Variants in EFNA5 observed in about 807,000 individuals in gnomAD.
EFNA5 encodes ephrin A5, also known as ephrin-A5.
Under a neutral mutation model 22.9 loss-of-function variants are expected in EFNA5, and 5 were observed. The observed-to-expected ratio is 0.22, with a 90% CI of 0.11 to 0.46. EFNA5 has a LOEUF of 0.46. EFNA5 is among the 20% of genes least tolerant of loss of function. The probability of loss-of-function intolerance (pLI) is 0.99; values close to 1 mark genes in which losing one functional copy is unlikely to be tolerated. For missense variants in EFNA5, 237 were observed against 293.3 expected (o/e 0.81, Z 1.40); for synonymous variants, 113 against 112.2 (o/e 1.01, Z -0.04).
At chr5:107,589,705 G>A (rs1423321517) in intron 1 of EFNA5, among the ~76,000 whole-genome samples, 2 of 152,080 alleles carry the variant, frequency 1.3e-5, no homozygotes, top group African/African-American at 4.8e-5. Context: ...GAAAAAAGAA[G>A]GCCAGAGACA....
chr5:107,476,301 C>T (rs952348902), intron 1 of EFNA5, among the ~76,000 whole-genome samples: 1 of 151,516 alleles, frequency 6.6e-6, no homozygotes, highest in Non-Finnish European at 1.5e-5. Flanking sequence ...GATCCACCCA[C>T]CTCAGCCTCC....
rs193138505 is a variant in EFNA5 at position 107,533,130 on chromosome 5, T to C, written c.126-105621A>G. On this transcript the variant is annotated intron_variant, in intron 1 of 4. Transcript: ENST00000333274. ...GGGGACTCATCTCTGCTGAATTCTT[T>C]AACAGCTGAGATGACAGGGATGTCC... is the stretch of plus-strand genomic sequence containing the variant. Among the ~76,000 whole-genome samples the C allele has an allele frequency of 2.6e-3, 392 of 152,288 alleles. 1 individual carries two copies. Among genetic ancestry groups the C allele is most frequent in the Non-Finnish European group, 4.5e-3 (306 of 68,016 alleles).
At chr5:107,628,436 T>G (rs1277380144) in intron 1 of EFNA5, among the ~76,000 whole-genome samples, 1 of 152,140 alleles carries the variant, frequency 6.6e-6, no homozygotes, top group Non-Finnish European at 1.5e-5. Flanking sequence ...AAACAAAAAG[T>G]ACCTAGAATT....
At chr5:107,670,395 G>A (rs1751166539) in intron 1 of EFNA5, 94 bp downstream of exon 1, 6 of 1,412,656 alleles carry the variant, frequency 4.2e-6, no homozygotes, top group South Asian at 3.0e-5. Flanking sequence ...GGTGCGCGCC[G>A]CCAGCGGTTG....
At position 107,427,498 on chromosome 5, in the gene EFNA5, C is replaced by G; in HGVS notation, c.137G>C (p.Gly46Ala). 6.3e-7 allele frequency: 1 copy of G among 1,595,590 alleles called. No individual in the cohort carries two copies. Among genetic ancestry groups the G allele is most frequent in the Non-Finnish European group, 8.5e-7 (1 of 1,171,076 alleles). ...WNSSNPRFQR[G>A]DYHIDVCIND... ...GATACAGACATCAATATGGTAGTCA[C>G]CCCTCTGGAATCTGTTAGAAAAAGA... is the stretch of plus-strand genomic sequence containing the variant. Residue 46 changes from glycine to alanine, a missense_variant, in exon 2 of 5, where the codon GGT becomes GCT. Physicochemically the swap from Gly to Ala is moderately conservative, Grantham distance 60. Around this residue, in one of 3 missense-constraint regions of EFNA5, gnomAD observed 120 missense variants for 140.5 expected, o/e 0.85. Transcript: ENST00000333274.
intron 1 of EFNA5, among the ~76,000 whole-genome samples, chr5:107,642,555 G>A (rs931582424): frequency 3.3e-5 from 5 of 151,718 alleles, no homozygotes; most frequent in African/African-American, 1.2e-4. Flanking sequence ...GAACGCAAGT[G>A]AGTTCTAAAA....
intron 1 of EFNA5, among the ~76,000 whole-genome samples, chr5:107,521,452 C>A (rs1747593390): frequency 7.5e-6 from 1 of 133,614 alleles, no homozygotes; most frequent in Admixed American, 8.1e-5. Context: ...GCCACCACAC[C>A]TGGCTATATA....
chr5:107,544,744 C>A (rs2112463180), intron 1 of EFNA5, among the ~76,000 whole-genome samples: 1 of 152,262 alleles, frequency 6.6e-6, no homozygotes, highest in Admixed American at 6.5e-5. Flanking sequence ...TCTTTACTTG[C>A]CAAACTCCCT....
rs1309390019 is a variant in EFNA5 at position 107,476,059 on chromosome 5, T to A, written c.126-48550A>T. ...AGAGTTTTTAAACTATATATATATT[T>A]TTTTTTTTTGAGACAGAGTCTTGCT... On this transcript the variant is annotated intron_variant, in intron 1 of 4. Coordinates refer to ENST00000333274, the MANE Select transcript of EFNA5 (RefSeq NM_001962.3). 1.1e-3 allele frequency among the ~76,000 whole-genome samples: 143 copies of A among 132,520 alleles called. 8 individuals carry two copies. The highest frequency in any genetic ancestry group is 1.4e-3 in the South Asian group (6 of 4,138). 86.9% of individuals were successfully genotyped at this position (132,520 alleles called of 152,430 possible). A position where few individuals can be genotyped will look rare whatever the true frequency, so the allele number is the denominator to read the frequency against.
intron 1 of EFNA5, among the ~76,000 whole-genome samples, chr5:107,550,825 T>C (rs527953261): frequency 3.3e-5 from 5 of 152,282 alleles, no homozygotes; most frequent in Admixed American, 3.3e-4. Flanking sequence ...ATTTTGGTAT[T>C]CTAGGTAGAC....
chr5:107,447,953 T>A (rs1379902368), intron 1 of EFNA5, among the ~76,000 whole-genome samples: 1 of 152,054 alleles, frequency 6.6e-6, no homozygotes, highest in South Asian at 2.1e-4. Context: ...GTTCAAGCGA[T>A]TCTCTGCCTC....
Position 107,433,843 on chromosome 5 carries a change from G to C in EFNA5, c.126-6334C>G, listed in dbSNP as rs369343336. Among the ~76,000 whole-genome samples the C allele has an allele frequency of 7.1e-4, 108 of 151,542 alleles. 1 individual carries two copies. In the South Asian group the frequency reaches 0.022, roughly 31 times the overall value. ...TTGAGCCTCAGAGGCAGAGGTTGTA[G>C]TGAACCGAGATTGTGCCACTGCACT... On this transcript the variant is annotated intron_variant, in intron 1 of 4. Transcript: ENST00000333274.
chr5:107,473,542 A>G (rs1750199589), intron 1 of EFNA5, among the ~76,000 whole-genome samples: 1 of 152,162 alleles, frequency 6.6e-6, no homozygotes, highest in Admixed American at 6.5e-5. Flanking sequence ...AAATACAGGT[A>G]GCCTAACACT....
At chr5:107,470,528 A>T (rs989177140) in intron 1 of EFNA5, among the ~76,000 whole-genome samples, 4 of 152,212 alleles carry the variant, frequency 2.6e-5, no homozygotes, top group African/African-American at 7.2e-5. Flanking sequence ...TTGGAGGACT[A>T]AACAGAGAAG....
At chr5:107,499,185 T>G (rs1747074389) in intron 1 of EFNA5, among the ~76,000 whole-genome samples, 1 of 152,050 alleles carries the variant, frequency 6.6e-6, no homozygotes, top group South Asian at 2.1e-4. Context: ...AAGATGAAAT[T>G]TTTTTTTAAA....
intron 1 of EFNA5, among the ~76,000 whole-genome samples, chr5:107,430,982 G>A (rs202165407): frequency 6.6e-6 from 1 of 151,998 alleles, no homozygotes; most frequent in Admixed American, 6.6e-5. Flanking sequence ...CACCATGTTG[G>A]CCAGAATGGT....
At chr5:107,443,266 C>T (rs1377753379) in intron 1 of EFNA5, among the ~76,000 whole-genome samples, 1 of 152,208 alleles carries the variant, frequency 6.6e-6, no homozygotes, top group Non-Finnish European at 1.5e-5. Context: ...TCCTTATATA[C>T]CCAGCTCCTT....
intron 1 of EFNA5, among the ~76,000 whole-genome samples, chr5:107,517,301 C>T (rs1051948724): frequency 4.6e-5 from 7 of 152,122 alleles, no homozygotes; most frequent in Non-Finnish European, 1.0e-4. Context: ...TTCTCCACTC[C>T]TATACAATCA....
chr5:107,611,896 G>T (rs1749824899), intron 1 of EFNA5, among the ~76,000 whole-genome samples: 1 of 152,200 alleles, frequency 6.6e-6, no homozygotes. Context: ...AATATGTAAG[G>T]AGTAGTTATT....
Sources: gnomAD v4.1 joint callset for allele counts (sites outside exome capture counted in the v4.1 genomes callset) on GRCh38, gnomAD v4.1.1 for gene constraint, gnomAD v4.1.1 regional missense constraint, MANE v1.5 for transcripts, NCBI Gene and HGNC (gene_info 2026-07-23, HGNC 2026-07-21) for gene names.